The following CCDC88A variants were observed in gnomAD, a reference collection of about 807,000 sequenced individuals.
CCDC88A encodes the protein coiled-coil and HOOK domain protein 88A.
A neutral mutation model predicts 234.3 loss-of-function variants in CCDC88A; 54 were observed. The ratio of observed to expected loss-of-function variants is 0.23; its 90% CI spans 0.19 to 0.29. The LOEUF (loss-of-function observed/expected upper bound fraction) is 0.29, where lower values mean the gene tolerates loss of function less well. CCDC88A is among the 10% of genes least tolerant of loss of function. CCDC88A has a pLI of 1.00. For missense variants in CCDC88A, 1,832 were observed against 2,123.4 expected (o/e 0.86, Z 2.70); for synonymous variants, 753 against 737.8 (o/e 1.02, Z -0.33).
intron 5 of CCDC88A, among the ~76,000 whole-genome samples, chr2:55,365,653 T>C (rs1671844648): frequency 6.6e-6 from 1 of 152,190 alleles, no homozygotes; most frequent in Non-Finnish European, 1.5e-5. Flanking sequence ...ACACACGATT[T>C]CTACTAAATC....
intron 3 of CCDC88A, among the ~76,000 whole-genome samples, chr2:55,383,906 T>C (rs190873147): frequency 1.4e-4 from 22 of 152,246 alleles, no homozygotes; most frequent in Admixed American, 2.6e-4. Flanking sequence ...ATATATAAAA[T>C]GTCTGACCTA....
chr2:55,371,121 C>A (rs1460179807), intron 5 of CCDC88A, among the ~76,000 whole-genome samples: 2 of 152,134 alleles, frequency 1.3e-5, no homozygotes, highest in Non-Finnish European at 2.9e-5. Context: ...GCTATGTAAT[C>A]TAAATTTACG....
chr2:55,375,469 C>CTATATATATA (rs869279076), intron 3 of CCDC88A, among the ~76,000 whole-genome samples: 14 of 26,582 alleles, frequency 5.3e-4, no homozygotes, highest in South Asian at 3.1e-3. Context: ...TGTCACTGTA[C>CTATATATATA]TATATATATA....
intron 2 of CCDC88A, among the ~76,000 whole-genome samples, chr2:55,400,287 G>A (rs1440180993): frequency 6.6e-6 from 1 of 152,168 alleles, no homozygotes; most frequent in Admixed American, 6.5e-5. Flanking sequence ...CAATATACAT[G>A]TGACATGTCA....
intron 22 of CCDC88A, chr2:55,315,560 A>C (rs1489189767): frequency 1.3e-5 from 2 of 155,490 alleles, no homozygotes; most frequent in East Asian, 3.8e-4. Flanking sequence ...GGACTTTTAT[A>C]AATCATAGGT....
In CCDC88A at chr2:55,289,443, G is replaced by C. The variant is rs907702247; in HGVS notation, c.*1757C>G. The C allele has an allele frequency of 6.6e-6, 1 of 152,462 alleles. No individual in the cohort carries two copies. The highest frequency in any genetic ancestry group is 6.5e-5 in the Admixed American group (1 of 15,268). The allele number at this position is 152,462 out of a possible 1,614,324, so 9.4% of individuals were successfully genotyped here. ...TACCAATGTGCTACTTGAATCCAGG[G>C]AGTTATGAGAGAGAGAGATGTTTCA... On this transcript the variant is annotated 3_prime_UTR_variant, in exon 33 of 33. Coordinates refer to ENST00000436346, the MANE Select transcript of CCDC88A (RefSeq NM_001365480.1).
At chr2:55,355,465 T>TTTGTCACA in intron 8 of CCDC88A, 114 bp downstream of exon 8, 1 of 879,622 alleles carries the variant, frequency 1.1e-6, no homozygotes, top group Non-Finnish European at 1.8e-6. Context: ...TTTTTCTCAT[T>TTTGTCACA]TACTTGTGAA....
chr2:55,374,254 G>T (rs1246766014), intron 4 of CCDC88A, among the ~76,000 whole-genome samples: 1 of 152,106 alleles, frequency 6.6e-6, no homozygotes, highest in Admixed American at 6.6e-5. Flanking sequence ...TATAATTCCA[G>T]CTACTTGGGA....
chr2:55,336,519 A>C (rs902711225), intron 14 of CCDC88A, among the ~76,000 whole-genome samples, 162 bp downstream of exon 14: 2 of 152,186 alleles, frequency 1.3e-5, no homozygotes, highest in Non-Finnish European at 2.9e-5. Flanking sequence ...CCTAAGACAC[A>C]TAGGTTAGAA....
intron 16 of CCDC88A, among the ~76,000 whole-genome samples, chr2:55,330,928 T>A (rs547001220): frequency 1.3e-5 from 2 of 152,340 alleles, no homozygotes; most frequent in South Asian, 4.1e-4. Flanking sequence ...GTTCCCACCT[T>A]GTAAACCTCT....
chr2:55,295,363 C>T, intron 31 of CCDC88A: 7 of 1,531,552 alleles, frequency 4.6e-6, no homozygotes, highest in Non-Finnish European at 6.2e-6. Flanking sequence ...GATGAATGGG[C>T]CACAGTAAAT....
rs778602175 is a variant in CCDC88A, at chr2:55,336,824, G to A, written c.1519-6C>T. On this transcript the variant is annotated splice_region_variant and splice_polypyrimidine_tract_variant and intron_variant, in intron 13 of 32. Transcript: ENST00000436346. Reference sequence around the variant, plus strand: ...TCATTTTCAAGAATCTCAACCTAGAGAAAATTAAATCACAAAACAATACGT... The same window carrying A: ...TCATTTTCAAGAATCTCAACCTAGAAAAAATTAAATCACAAAACAATACGT... The A allele has an allele frequency of 4.6e-6, 7 of 1,528,262 alleles. No individual in the cohort carries two copies. Among genetic ancestry groups the A allele is most frequent in the Non-Finnish European group, 6.3e-6 (7 of 1,119,980 alleles). The allele number at this position is 1,528,262 out of a possible 1,614,324, so 94.7% of individuals were successfully genotyped here. A position where few individuals can be genotyped will look rare whatever the true frequency, so the allele number is the denominator to read the frequency against.
At chr2:55,385,655 C>A (rs1488719070) in intron 3 of CCDC88A, among the ~76,000 whole-genome samples, 1 of 151,528 alleles carries the variant, frequency 6.6e-6, no homozygotes, top group African/African-American at 2.4e-5. Context: ...GAGTTCGAGA[C>A]AAGCCTGGCC....
Position 55,295,812 on chromosome 2 carries a change from C to A in CCDC88A, c.5336G>T (p.Gly1779Val), listed in dbSNP as rs1423684112. The change falls in exon 31 of 33, where the codon GGA becomes GTA. Residue 1779 changes from glycine to valine, a missense_variant. Physicochemically the swap from Gly to Val is moderately radical, Grantham distance 109. This residue lies in a region of CCDC88A where 422 missense variants were observed against 416.5 expected (regional missense o/e 1.01). Transcript: ENST00000436346. ...AGATTCTTTTACTAATTTTATTTTT[C>A]CTTGAGTGCCTGGTGTAGGTTTTCC... is the stretch of plus-strand genomic sequence containing the variant. The part of the protein sequence containing the change: ...SAGKPTPGTQ[G>V]KIKLVKESSL... 2 of 1,614,034 alleles carry A rather than the reference C, an allele frequency of 1.2e-6. No individual in the cohort carries two copies. Among genetic ancestry groups the A allele is most frequent in the Admixed American group, 3.3e-5 (2 of 60,008 alleles).
intron 5 of CCDC88A, 116 bp from the exon 6 acceptor site, chr2:55,364,149 T>G: frequency 4.0e-6 from 2 of 504,806 alleles, no homozygotes; most frequent in Non-Finnish European, 6.9e-6. Flanking sequence ...AGTAAGAGTT[T>G]TGTTTTGCAT....
intron 2 of CCDC88A, among the ~76,000 whole-genome samples, chr2:55,407,325 C>T (rs1679756064): frequency 6.6e-6 from 1 of 152,048 alleles, no homozygotes; most frequent in African/African-American, 2.4e-5. Context: ...AAGTTATGGG[C>T]TGGGCAAGGT....
intron 2 of CCDC88A, among the ~76,000 whole-genome samples, chr2:55,413,276 G>A (rs547830742): frequency 2.0e-5 from 3 of 152,234 alleles, no homozygotes; most frequent in South Asian, 4.1e-4. Flanking sequence ...GCCATAAGTA[G>A]GTAGATATAG....
At chr2:55,371,083 C>A (rs1229982901) in intron 5 of CCDC88A, among the ~76,000 whole-genome samples, 1 of 152,092 alleles carries the variant, frequency 6.6e-6, no homozygotes, top group Non-Finnish European at 1.5e-5. Context: ...AAGCAATAAC[C>A]AGCAATAAAA....
At chr2:55,366,560 C>CAG (rs1671993566) in intron 5 of CCDC88A, among the ~76,000 whole-genome samples, 1 of 151,170 alleles carries the variant, frequency 6.6e-6, no homozygotes, top group Non-Finnish European at 1.5e-5. Flanking sequence ...CACACACACA[C>CAG]ACACACACAC....
Sources: allele counts gnomAD v4.1 joint callset (sites outside exome capture counted in the v4.1 genomes callset), GRCh38; gene constraint gnomAD v4.1.1; regional missense constraint gnomAD v4.1.1; transcripts MANE v1.5; gene names NCBI Gene and HGNC (gene_info 2026-07-23, HGNC 2026-07-21).